Variants in UTRN observed in about 807,000 individuals in gnomAD.
The protein encoded by UTRN is utrophin.
A neutral mutation model predicts 463.9 loss-of-function variants in UTRN; 283 were observed. The ratio of observed to expected loss-of-function variants is 0.61; its 90% CI spans 0.55 to 0.67. The LOEUF (loss-of-function observed/expected upper bound fraction) is 0.67, where lower values mean the gene tolerates loss of function less well. Ranked by LOEUF, UTRN falls within the 30% of genes least tolerant of loss-of-function variation. The probability of loss-of-function intolerance (pLI) is 0.00; values close to 1 mark genes in which losing one functional copy is unlikely to be tolerated. For missense variants in UTRN, 3,922 were observed against 4,084.3 expected, an observed-to-expected ratio of 0.96 and a Z score of 1.08; for synonymous variants, 1,442 against 1,431.5, an observed-to-expected ratio of 1.01 and a Z score of -0.17.
At chr6:144,470,834 G>C (rs1008587128) in intron 23 of UTRN, among the ~76,000 whole-genome samples, 6 of 151,880 alleles carry the variant, frequency 4.0e-5, no homozygotes, top group Non-Finnish European at 8.8e-5. Flanking sequence ...AGACCAGCCC[G>C]GCCAACACGG....
intron 34 of UTRN, among the ~76,000 whole-genome samples, chr6:144,503,029 T>G (rs1362111885): frequency 6.6e-6 from 1 of 152,178 alleles, no homozygotes; most frequent in African/African-American, 2.4e-5. Context: ...TCATATGTTT[T>G]TTGGCCACAT....
rs544342003 is a variant in UTRN, at chr6:144,448,191, C to T, written c.1903-409C>T. 1.3e-4 allele frequency among the ~76,000 whole-genome samples: 20 copies of T among 152,270 alleles called. No homozygotes were observed. The East Asian group carries it at 3.5e-3, about 26-fold the overall frequency. On this transcript the variant is annotated intron_variant, in intron 16 of 74. Coordinates refer to ENST00000367545, the MANE Select transcript of UTRN (RefSeq NM_007124.3). ...ATGGATAAACAAAATGTGGTGTATG[C>T]ATACAATATTATCTGATAATACAAA...
At chr6:144,833,047 T>A (rs1208591906) in intron 69 of UTRN, among the ~76,000 whole-genome samples, 1 of 152,198 alleles carries the variant, frequency 6.6e-6, no homozygotes, top group Non-Finnish European at 1.5e-5. Flanking sequence ...CTCAAGCTCC[T>A]GACCTCAAGT....
chr6:144,625,933 A>G (rs1350449220), intron 51 of UTRN, among the ~76,000 whole-genome samples: 1 of 152,174 alleles, frequency 6.6e-6, no homozygotes, highest in Non-Finnish European at 1.5e-5. Context: ...CTTGAAAAGA[A>G]GGAAAAAAAA....
chr6:144,526,110 C>G (rs1487458525), intron 41 of UTRN, among the ~76,000 whole-genome samples: 3 of 152,140 alleles, frequency 2.0e-5, no homozygotes. Context: ...ATCACATGGT[C>G]TATCTTGGAG....
chr6:144,590,860 A>ACACACACACACGCACATG (rs1802978998), intron 51 of UTRN, among the ~76,000 whole-genome samples: 1 of 127,744 alleles, frequency 7.8e-6, no homozygotes, highest in Non-Finnish European at 1.6e-5. Flanking sequence ...ACACACACAC[A>ACACACACACACGCACATG]CACACACACA....
Position 144,633,234 on chromosome 6 carries a change from T to TC in UTRN, c.7480-45172_7480-45171insC. ...TATAACTCACTACTTCTCCTTTTTT[T>TC]TTTTTTTTTTCCTGAGACGGAGTCT... On this transcript the variant is annotated intron_variant, in intron 51 of 74. Transcript: ENST00000367545. Among the ~76,000 whole-genome samples, 2 of 150,658 alleles carry TC rather than the reference T, an allele frequency of 1.3e-5. 1 individual carries two copies. Among genetic ancestry groups the TC allele is most frequent in the East Asian group, 3.9e-4 (2 of 5,124 alleles).
At chr6:144,701,439 C>T (rs1784584805) in intron 53 of UTRN, among the ~76,000 whole-genome samples, 1 of 151,986 alleles carries the variant, frequency 6.6e-6, no homozygotes, top group Non-Finnish European at 1.5e-5. Context: ...AATTTCTGTT[C>T]CTATGCAAAT....
intron 51 of UTRN, among the ~76,000 whole-genome samples, chr6:144,600,585 C>T (rs1214255596): frequency 6.6e-6 from 1 of 152,154 alleles, no homozygotes; most frequent in Admixed American, 6.5e-5. Flanking sequence ...AAGGAAGCTA[C>T]AGAAGAAAAG....
intron 51 of UTRN, among the ~76,000 whole-genome samples, chr6:144,582,746 A>G (rs368422346): frequency 6.6e-6 from 1 of 152,190 alleles, no homozygotes; most frequent in Non-Finnish European, 1.5e-5. Flanking sequence ...AATCCACTGG[A>G]TCGCTCTGCT....
At chr6:144,801,396 A>C (rs1329179251) in intron 64 of UTRN, among the ~76,000 whole-genome samples, 1 of 152,080 alleles carries the variant, frequency 6.6e-6, no homozygotes, top group African/African-American at 2.4e-5. Flanking sequence ...AGTTGTAAAG[A>C]GATGCATCTT....
chr6:144,772,609 A>G (rs1194755348), intron 59 of UTRN, among the ~76,000 whole-genome samples: 12 of 152,226 alleles, frequency 7.9e-5, no homozygotes, highest in Non-Finnish European at 1.8e-4. Flanking sequence ...ATACAATTAC[A>G]ATATAGCCAA....
intron 14 of UTRN, among the ~76,000 whole-genome samples, chr6:144,446,667 G>C (rs1787725472): frequency 6.6e-6 from 1 of 152,296 alleles, no homozygotes; most frequent in Non-Finnish European, 1.5e-5. Flanking sequence ...GTGCTCTTCA[G>C]ACTCCCTCCT....
chr6:144,392,112 A>G (rs982883667), intron 2 of UTRN, among the ~76,000 whole-genome samples: 8 of 152,380 alleles, frequency 5.3e-5, no homozygotes, highest in African/African-American at 1.9e-4. Context: ...AAAAAAGACT[A>G]TAAAATATAT....
At chr6:144,622,184 G>GTTGTTT (rs1371864579) in intron 51 of UTRN, among the ~76,000 whole-genome samples, 139 of 88,220 alleles carry the variant, frequency 1.6e-3, no homozygotes, top group African/African-American at 5.6e-3. Context: ...TTTTTTTGTT[G>GTTGTTT]TTTTTTTTTT....
At chr6:144,422,654 A>G (rs1006683286) in intron 4 of UTRN, among the ~76,000 whole-genome samples, 2 of 152,070 alleles carry the variant, frequency 1.3e-5, no homozygotes, top group Admixed American at 6.5e-5. Context: ...TATGACATCT[A>G]TTTTTTATTC....
In UTRN at chr6:144,505,414, A is replaced by G. The variant is rs137905491; in HGVS notation, c.4765-5530A>G. ...TAGTGCTATGAATTTCCCTCTAAAC[A>G]CTGCTTTAGCTGTGTCCCAGGGATT... On this transcript the variant is annotated intron_variant, in intron 34 of 74. Transcript: ENST00000367545. Among the ~76,000 whole-genome samples, 22 of 152,118 alleles carry G rather than the reference A, an allele frequency of 1.4e-4. No individual in the cohort carries two copies. In the East Asian group the frequency reaches 3.9e-3, roughly 27 times the overall value.
In UTRN at chr6:144,730,458, G is replaced by A. The variant is rs4305737; in HGVS notation, c.7911G>A (p.Glu2637=). ...LADQPIEAPE[E]PRRNLQSKTE... is the part of the protein sequence containing the mutation. ...ATCAGCCAATTGAGGCCCCTGAAGAGCCAAGAAGAAACCTACAATCAAAAA... is the reference window on the plus strand; with the variant it reads ...ATCAGCCAATTGAGGCCCCTGAAGAACCAAGAAGAAACCTACAATCAAAAA... The change falls in exon 54 of 75, where the codon GAG becomes GAA. Residue 2637 remains glutamate, a synonymous_variant. Transcript: ENST00000367545. 508,769 of 1,607,788 alleles carry A rather than the reference G, an allele frequency of 0.32. 106,079 individuals carry two copies. The highest frequency in any genetic ancestry group is 0.87 in the East Asian group (38,690 of 44,360).
chr6:144,548,450 G>A (rs1330576601), intron 46 of UTRN, among the ~76,000 whole-genome samples, 190 bp from the exon 47 acceptor site: 1 of 152,094 alleles, frequency 6.6e-6, no homozygotes, highest in Admixed American at 6.6e-5. Context: ...TTGTTGGCTT[G>A]ATAGCTACCA....
Sources: gnomAD v4.1 joint callset for allele counts (sites outside exome capture counted in the v4.1 genomes callset) on GRCh38, gnomAD v4.1.1 for gene constraint, MANE v1.5 for transcripts, NCBI Gene and HGNC (gene_info 2026-07-23, HGNC 2026-07-21) for gene names.